Variants in TELO2 observed in about 807,000 individuals in gnomAD.
TELO2 encodes the protein telomere maintenance 2.
In TELO2, 71 loss-of-function variants were observed where a neutral mutation model predicts 91.0. The observed-to-expected ratio is 0.78, with a 90% confidence interval of 0.64 to 0.95. The LOEUF (loss-of-function observed/expected upper bound fraction) is 0.95. TELO2 is among the 40% of genes least tolerant of loss of function. TELO2 has a pLI of 0.00. For missense variants in TELO2, 1,183 were observed against 1,141.3 expected (o/e 1.04, Z -0.53); for synonymous variants, 584 against 518.9 (o/e 1.13, Z -1.71).
chr16:1,500,747 C>T, intron 9 of TELO2, 48 bp downstream of exon 9: 1 of 1,595,874 alleles, frequency 6.3e-7, no homozygotes, highest in Non-Finnish European at 8.5e-7. Context: ...GCCCGGGTCT[C>T]CCGAGCGGCT....
At chr16:1,508,874 G>C (rs967570233) in intron 20 of TELO2, among the ~76,000 whole-genome samples, 4 of 152,176 alleles carry the variant, frequency 2.6e-5, no homozygotes, top group Non-Finnish European at 5.9e-5. Flanking sequence ...GTCTTCCCAC[G>C]GAGCAGCTGG....
At chr16:1,496,785 G>A (rs1355773905) in intron 3 of TELO2, among the ~76,000 whole-genome samples, 5 of 152,174 alleles carry the variant, frequency 3.3e-5, no homozygotes, top group East Asian at 1.9e-4. Flanking sequence ...TACCGGTCCC[G>A]ACCTCCTACA....
rs201365298 is a variant in TELO2, at chr16:1,507,604, C to A, written c.2295C>A (p.Tyr765Ter). The change falls in exon 20 of 21, where the codon TAC (tyrosine) becomes TAA (stop). Residue 765 changes from tyrosine (Y) to a stop codon, truncating the protein, a stop_gained. Transcript: ENST00000262319. LOFTEE classifies it high-confidence loss of function. Reference sequence around the variant, plus strand: ...GCCCCCGCCTTCTTGCCGGCAGCTACGTGCGCCAGGGGCTGTTGTCGGCCG... The same window carrying A: ...GCCCCCGCCTTCTTGCCGGCAGCTAAGTGCGCCAGGGGCTGTTGTCGGCCG... ...VWALRFHIDA[Y>*]VRQGLLSAVS... 3 of 1,587,748 alleles carry A rather than the reference C, an allele frequency of 1.9e-6. No homozygotes were observed. Among genetic ancestry groups the A allele is most frequent in the Non-Finnish European group, 2.6e-6 (3 of 1,174,234 alleles).
At chr16:1,499,135 AG>A in intron 5 of TELO2, 95 bp from the exon 6 acceptor site, 1 of 1,268,454 alleles carries the variant, frequency 7.9e-7, no homozygotes, top group Non-Finnish European at 1.1e-6. Flanking sequence ...GCAGGCCGGG[AG>A]TCAGGCCGCC....
In TELO2 at chr16:1,503,745, G is replaced by C. The variant is rs144523266; in HGVS notation, c.1842+743G>C. 7.9e-4 allele frequency among the ~76,000 whole-genome samples: 121 copies of C among 152,300 alleles called. 1 individual carries two copies. In the East Asian group the frequency reaches 0.022, roughly 28 times the overall value. ...TGAGGGTTTCACGGGGACAGTTTCA[G>C]CTTGGGAAGGCAAAAGAGTTCTGGC... On this transcript the variant is annotated intron_variant, in intron 15 of 20. Transcript: ENST00000262319.
rs771820541 is a variant in TELO2, at chr16:1,495,365, A to T, written c.355A>T (p.Lys119Ter). 4 of 1,555,098 alleles carry T rather than the reference A, an allele frequency of 2.6e-6. No homozygotes were observed. The highest frequency in any genetic ancestry group is 3.5e-6 in the Non-Finnish European group (4 of 1,148,992). The change falls in exon 3 of 21, where the codon AAG becomes TAG. Residue 119 changes from lysine to a stop codon, truncating the protein, a stop_gained. Coordinates refer to ENST00000262319, the MANE Select transcript of TELO2 (RefSeq NM_016111.4). LOFTEE classifies it high-confidence loss of function. ...GAAGPSFRLM[K>*]MARLLARFLR... ...CTTCAGCCCCAGCTTCCGGCTGATG[A>T]AGATGGCGCGGCTGCTGGCCAGATT...
intron 16 of TELO2, among the ~76,000 whole-genome samples, chr16:1,506,033 G>A (rs1032057104): frequency 1.3e-5 from 2 of 152,232 alleles, no homozygotes; most frequent in African/African-American, 4.8e-5. Flanking sequence ...GGAACGCCTG[G>A]TCTGCTGTCC....
chr16:1,501,876 G>C, intron 11 of TELO2, 103 bp downstream of exon 11: 1 of 1,457,968 alleles, frequency 6.9e-7, no homozygotes, highest in Non-Finnish European at 9.4e-7. Flanking sequence ...CCTGCTCCGT[G>C]CTTCTTCTCT....
At chr16:1,501,992 G>T in intron 11 of TELO2, 55 bp from the exon 12 acceptor site, 1 of 1,607,068 alleles carries the variant, frequency 6.2e-7, no homozygotes, top group South Asian at 1.1e-5. Context: ...CTCTGCCGTT[G>T]GGCACTTCCT....
At chr16:1,498,643 C>A (rs1353262463) in intron 5 of TELO2, among the ~76,000 whole-genome samples, 1 of 152,116 alleles carries the variant, frequency 6.6e-6, no homozygotes, top group African/African-American at 2.4e-5. Context: ...ACTTTGTTGC[C>A]CGGCTGGTCT....
chr16:1,500,133 T>C lies in TELO2; in HGVS notation c.971T>C (p.Met324Thr). 2 of 1,608,496 alleles carry C rather than the reference T, an allele frequency of 1.2e-6. No homozygotes were observed. The highest frequency in any genetic ancestry group is 8.5e-7 in the Non-Finnish European group (1 of 1,179,464). Residue 324 changes from methionine to threonine, a missense_variant, in exon 7 of 21, where the codon ATG becomes ACG. By Grantham distance (81) the Met-to-Thr change is moderately conservative. Transcript: ENST00000262319. ...CAGAGCCTGCTGGGCCATCTGGCCA[T>C]GGACAGCCAGCGGCGCCCGCTCCTG... ...MLQSLLGHLA[M>T]DSQRRPLLLQ...
In TELO2 at chr16:1,500,085, T is replaced by C; in HGVS notation, c.934-11T>C. ...CTCAGCCCAGTGGACAGGCATGTGC[T>C]TTTATTGCAGACGCCCATGCTGCAG... On this transcript the variant is annotated splice_polypyrimidine_tract_variant and intron_variant, in intron 6 of 20. Coordinates refer to ENST00000262319, the MANE Select transcript of TELO2 (RefSeq NM_016111.4). 6.2e-7 allele frequency: 1 copy of C among 1,608,070 alleles called. No homozygotes were observed. Among genetic ancestry groups the C allele is most frequent in the Non-Finnish European group, 8.5e-7 (1 of 1,178,540 alleles).
At position 1,509,957 on chromosome 16, in the gene TELO2, AC is replaced by A; in HGVS notation, c.*23del. 1 of 1,563,906 alleles carries A rather than the reference AC, an allele frequency of 6.4e-7. No homozygotes were observed. The highest frequency in any genetic ancestry group is 8.7e-7 in the Non-Finnish European group (1 of 1,153,068). ...CCTAGTCCCTGGAGGCCTCCCCAGG[AC>A]CACCCTCGCCGACAGCAAGGCAGGC... is the stretch of plus-strand genomic sequence containing the variant. On this transcript the variant is annotated 3_prime_UTR_variant, in exon 21 of 21. Coordinates refer to ENST00000262319, the MANE Select transcript of TELO2 (RefSeq NM_016111.4).
chr16:1,505,633 A>C lies in TELO2; in HGVS notation c.2034+32A>C. 1 of 762,470 alleles carries C rather than the reference A, an allele frequency of 1.3e-6. No individual in the cohort carries two copies. 47.2% of individuals were successfully genotyped at this position (762,470 alleles called of 1,614,324 possible). The stretch of plus-strand genomic sequence containing the variant: ...GGCGCCTGGTCAGCTCCTCACGGGC[A>C]TGGGGACCGTGGGTGGGTGGGAAGG... On this transcript the variant is annotated intron_variant, in intron 16 of 20. Coordinates refer to ENST00000262319, the MANE Select transcript of TELO2 (RefSeq NM_016111.4). This position sits in a 1 kb window ranked among gnomAD's most constrained non-coding sequence, Gnocchi z 4.3.
rs113189356 is a variant in TELO2 at position 1,502,772 on chromosome 16, G to A, written c.1770+11G>A. The stretch of plus-strand genomic sequence containing the variant: ...ACAGACCCGGCCCCGGTGAGTTCCC[G>A]CACCCGTGGCCCTGGCCAGTGCAGG... On this transcript the variant is annotated intron_variant, in intron 14 of 20. Coordinates refer to ENST00000262319, the MANE Select transcript of TELO2 (RefSeq NM_016111.4). 0.013 allele frequency: 20,774 copies of A among 1,610,152 alleles called. 171 individuals carry two copies. The highest frequency in any genetic ancestry group is 0.016 in the Non-Finnish European group (18,311 of 1,179,462).
At position 1,502,644 on chromosome 16, in the gene TELO2, G is replaced by C. The variant is rs1282541306; in HGVS notation, c.1654-1G>C. 4 of 1,610,960 alleles carry C rather than the reference G, an allele frequency of 2.5e-6. No individual in the cohort carries two copies. The East Asian group carries it at 6.7e-5, about 27-fold the overall frequency. On this transcript the variant is annotated splice_acceptor_variant, in intron 13 of 20. Transcript: ENST00000262319. LOFTEE classifies it high-confidence loss of function. ...TTCCCAGCCCTAACCCCTGCGTGCAGGTGAGCGTGGAGCTGGCCAAGGTGC... is the reference window on the plus strand; with the variant it reads ...TTCCCAGCCCTAACCCCTGCGTGCACGTGAGCGTGGAGCTGGCCAAGGTGC...
At chr16:1,506,448 T>TG in intron 17 of TELO2, 119 bp downstream of exon 17, 1 of 1,569,792 alleles carries the variant, frequency 6.4e-7, no homozygotes, top group Non-Finnish European at 8.7e-7. Context: ...GGTCGTGCTT[T>TG]GCTGTGGCTT....
chr16:1,504,547 TG>T (rs2039817242), intron 15 of TELO2, among the ~76,000 whole-genome samples: 3 of 140,048 alleles, frequency 2.1e-5, no homozygotes, highest in African/African-American at 8.1e-5. Context: ...TCACCGTAAC[TG>T]GTCTTTTTTT....
chr16:1,497,422 C>T lies in TELO2; in HGVS notation c.744C>T (p.His248=), dbSNP rs1340141626. ...LAALTQGSYL[H]QRVCWRLVEQ... ...CGCTCACCCAGGGCAGCTACCTGCA[C>T]CAGCGCGTCTGCTGGCGCCTGGTGG... is the stretch of plus-strand genomic sequence containing the variant. Residue 248 remains histidine, a synonymous_variant, in exon 5 of 21, where the codon CAC becomes CAT. Transcript: ENST00000262319. The surrounding 1 kb of genome is among the most constrained non-coding windows in gnomAD (Gnocchi z 4.0). 1 of 1,556,134 alleles carries T rather than the reference C, an allele frequency of 6.4e-7. No homozygotes were observed. The highest frequency in any genetic ancestry group is 2.4e-5 in the East Asian group (1 of 41,332).
Sources: gnomAD v4.1 joint callset for allele counts (sites outside exome capture counted in the v4.1 genomes callset) on GRCh38, gnomAD v4.1.1 for gene constraint, Gnocchi (gnomAD v3.1) non-coding constraint, MANE v1.5 for transcripts, NCBI Gene and HGNC (gene_info 2026-07-23, HGNC 2026-07-21) for gene names.